The following GTF2F1 variants were observed in gnomAD, a reference collection of about 807,000 sequenced individuals.
GTF2F1 encodes general transcription factor IIF 74 kDa subunit.
Under a neutral mutation model 63.5 loss-of-function variants are expected in GTF2F1, and 39 were observed. That is an observed-to-expected ratio of 0.61 (90% CI 0.48 to 0.80). The LOEUF is 0.80. Among genes scored for constraint, GTF2F1 ranks in the 30% least tolerant of loss-of-function variants. The probability of loss-of-function intolerance (pLI) is 0.00; values close to 1 mark genes in which losing one functional copy is unlikely to be tolerated. For synonymous variants in GTF2F1, 287 were observed against 285.3 expected (o/e 1.01, Z -0.06); for missense variants, 657 against 718.3 (o/e 0.91, Z 0.97).
chr19:6,392,044 C>G, intron 2 of GTF2F1, 70 bp from the exon 3 acceptor site: 1 of 793,790 alleles, frequency 1.3e-6, no homozygotes, highest in Non-Finnish European at 2.2e-6. Flanking sequence ...TCAGTCAATG[C>G]TATTGAACCA....
At position 6,393,072 on chromosome 19, in the gene GTF2F1, C is replaced by G; in HGVS notation, c.-77G>C. ...CTCTGGCGTGCGCGTCCCTCGATCC[C>G]GGGGAAGCCGCCGCTCGGTGTCGGG... On this transcript the variant is annotated 5_prime_UTR_variant, in exon 1 of 13. Transcript: ENST00000394456. The G allele has an allele frequency of 1.3e-6, 2 of 1,586,164 alleles. No individual in the cohort carries two copies. The highest frequency in any genetic ancestry group is 1.7e-6 in the Non-Finnish European group (2 of 1,158,050).
At chr19:6,392,945 G>A in intron 1 of GTF2F1, 39 bp downstream of exon 1, 5 of 1,614,070 alleles carry the variant, frequency 3.1e-6, no homozygotes, top group Non-Finnish European at 4.2e-6. Flanking sequence ...CGCCGAGGTC[G>A]CCGTCGGAAC....
chr19:6,386,199 A>G (rs1235446456), intron 5 of GTF2F1, among the ~76,000 whole-genome samples: 1 of 152,090 alleles, frequency 6.6e-6, no homozygotes. Context: ...CACCTGGCCA[A>G]CATGGTGAAA....
chr19:6,384,181 T>C (rs1356687454), intron 5 of GTF2F1, among the ~76,000 whole-genome samples: 6 of 151,952 alleles, frequency 3.9e-5, no homozygotes, highest in South Asian at 4.2e-4. Flanking sequence ...AATGTAACGT[T>C]GTCTCATTGC....
intron 5 of GTF2F1, among the ~76,000 whole-genome samples, chr19:6,386,062 C>T (rs113845137): frequency 4.8e-5 from 7 of 146,948 alleles, no homozygotes; most frequent in African/African-American, 1.8e-4. Context: ...GGTGACAGAG[C>T]GAGATTCGGT....
At position 6,385,852 on chromosome 19, in the gene GTF2F1, G is replaced by C. The variant is rs149966441; in HGVS notation, c.497+1537C>G. ...TGTAATCCCAGCACTTTGGGAGGCC[G>C]AGGCAGGCAGATCACGAGGTCAGGA... is the stretch of plus-strand genomic sequence containing the variant. On this transcript the variant is annotated intron_variant, in intron 5 of 12. Coordinates refer to ENST00000394456, the MANE Select transcript of GTF2F1 (RefSeq NM_002096.3). Among the ~76,000 whole-genome samples, 236 of 152,256 alleles carry C rather than the reference G, an allele frequency of 1.6e-3. 7 individuals are homozygous for C. In the East Asian group the frequency reaches 0.036, roughly 24 times the overall value.
rs746408064 is a variant in GTF2F1 at position 6,387,551 on chromosome 19, C to A, written c.335G>T (p.Gly112Val). The change falls in exon 5 of 13, where the codon GGC (glycine) becomes GTC (valine). Residue 112 changes from glycine (G) to valine (V), a missense_variant. Gly to Val is a moderately radical substitution (Grantham distance 109). Coordinates refer to ENST00000394456, the MANE Select transcript of GTF2F1 (RefSeq NM_002096.3). ...CTCTGTTACGCCTCCCTTCTTGATGCCCTTGAACCTGCAGGGAGCCACGGT... is the reference window on the plus strand; with the variant it reads ...CTCTGTTACGCCTCCCTTCTTGATGACCTTGAACCTGCAGGGAGCCACGGT... ...VNGKSGRKFKGIKKGGVTENT... is the reference protein window; with the variant it reads ...VNGKSGRKFKVIKKGGVTENT... 7 of 1,613,870 alleles carry A rather than the reference C, an allele frequency of 4.3e-6. No individual in the cohort carries two copies. Among genetic ancestry groups the A allele is most frequent in the Non-Finnish European group, 2.5e-6 (3 of 1,179,890 alleles).
At chr19:6,385,540 TG>T (rs2091970945) in intron 5 of GTF2F1, among the ~76,000 whole-genome samples, 1 of 151,858 alleles carries the variant, frequency 6.6e-6, no homozygotes, top group African/African-American at 2.4e-5. Flanking sequence ...AAAGCGAACC[TG>T]CCCCCCCAGC....
At chr19:6,388,848 T>C (rs971090835) in intron 4 of GTF2F1, among the ~76,000 whole-genome samples, 3 of 152,106 alleles carry the variant, frequency 2.0e-5, no homozygotes, top group Non-Finnish European at 2.9e-5. Flanking sequence ...CTCAGGATGC[T>C]GAGGTGGGAA....
rs368799788 is a variant in GTF2F1, at chr19:6,381,618, G to A, written c.837-3C>T. 2.0e-5 allele frequency: 33 copies of A among 1,613,964 alleles called. 1 individual carries two copies. In the South Asian group the frequency reaches 3.2e-4, roughly 16 times the overall value. ...TCTCAGGCTCTTCTTGGGAGCTACT[G>A]TAAGACGGGGATGGCAAAGGATGAG... On this transcript the variant is annotated splice_polypyrimidine_tract_variant and splice_region_variant and intron_variant, in intron 7 of 12. Coordinates refer to ENST00000394456, the MANE Select transcript of GTF2F1 (RefSeq NM_002096.3). This position sits in a 1 kb window ranked among gnomAD's most constrained non-coding sequence, Gnocchi z 4.1.
chr19:6,393,151 G>C lies in GTF2F1; in HGVS notation c.-156C>G, dbSNP rs1426779336. 4.3e-6 allele frequency: 4 copies of C among 939,588 alleles called. No individual in the cohort carries two copies. The highest frequency in any genetic ancestry group is 6.5e-6 in the Non-Finnish European group (4 of 615,330). The allele number at this position is 939,588 out of a possible 1,614,324, so 58.2% of individuals were successfully genotyped here. A position where few individuals can be genotyped will look rare whatever the true frequency, so the allele number is the denominator to read the frequency against. ...CTAGGCGCCTCTGGCGCTGGGAAAA[G>C]GTAACCGGAAGAGGCGCTCAAGCTA... On this transcript the variant is annotated 5_prime_UTR_variant, in exon 1 of 13. Coordinates refer to ENST00000394456, the MANE Select transcript of GTF2F1 (RefSeq NM_002096.3).
rs758103933 is a variant in GTF2F1, at chr19:6,381,101, C to T, written c.1092+21G>A. The stretch of plus-strand genomic sequence containing the variant: ...TGCAAACAGACGCCCAGGCCTCCCC[C>T]GCCACCGGGCTGGGCCTTACCGCCA... On this transcript the variant is annotated intron_variant, in intron 10 of 12. Coordinates refer to ENST00000394456, the MANE Select transcript of GTF2F1 (RefSeq NM_002096.3). This position sits in a 1 kb window ranked among gnomAD's most constrained non-coding sequence, Gnocchi z 4.1. 1.6e-4 allele frequency: 262 copies of T among 1,608,328 alleles called. No individual in the cohort carries two copies. The highest frequency in any genetic ancestry group is 1.9e-4 in the Non-Finnish European group (225 of 1,177,628).
At chr19:6,392,496 G>C in intron 2 of GTF2F1, 1 of 529,616 alleles carries the variant, frequency 1.9e-6, no homozygotes, top group Non-Finnish European at 3.6e-6. Context: ...TTGAGGGGAG[G>C]CACTCATGGC....
intron 4 of GTF2F1, among the ~76,000 whole-genome samples, chr19:6,388,045 T>C (rs1187627943): frequency 6.7e-6 from 1 of 150,050 alleles, no homozygotes; most frequent in Non-Finnish European, 1.5e-5. Flanking sequence ...TTCTCATGCC[T>C]CAGCCTCCCG....
intron 3 of GTF2F1, 23 bp downstream of exon 3, chr19:6,391,879 A>AC: frequency 6.9e-7 from 1 of 1,440,660 alleles, no homozygotes; most frequent in Non-Finnish European, 9.6e-7. Flanking sequence ...CCAGCCCCTG[A>AC]CCCCCAGGAC....
At position 6,381,066 on chromosome 19, in the gene GTF2F1, T is replaced by TG; in HGVS notation, c.1093-25dup. 6.2e-7 allele frequency: 1 copy of TG among 1,609,640 alleles called. No individual in the cohort carries two copies. Among genetic ancestry groups the TG allele is most frequent in the South Asian group, 1.1e-5 (1 of 90,310 alleles). Reference sequence around the variant, plus strand: ...TTCTGCAGAGGTCAGGGTTGGGAGGTGGGTGAGTCTGCAAACAGACGCCCA... The same window carrying TG: ...TTCTGCAGAGGTCAGGGTTGGGAGGTGGGGTGAGTCTGCAAACAGACGCCCA... On this transcript the variant is annotated intron_variant, in intron 10 of 12. Coordinates refer to ENST00000394456, the MANE Select transcript of GTF2F1 (RefSeq NM_002096.3). This position sits in a 1 kb window ranked among gnomAD's most constrained non-coding sequence, Gnocchi z 4.1.
Position 6,381,375 on chromosome 19 carries a change from C to G in GTF2F1, c.1002G>C (p.Glu334Asp), listed in dbSNP as rs1276616805. 3.7e-6 allele frequency: 6 copies of G among 1,606,526 alleles called. 1 individual carries two copies. Among genetic ancestry groups the G allele is most frequent in the Non-Finnish European group, 8.5e-7 (1 of 1,176,818 alleles). The change falls in exon 9 of 13, where the codon GAG becomes GAC. Residue 334 changes from glutamate to aspartate, a missense_variant. This residue lies in a region of GTF2F1 where 602 missense variants were observed against 625.6 expected (regional missense o/e 0.96). Coordinates refer to ENST00000394456, the MANE Select transcript of GTF2F1 (RefSeq NM_002096.3). The surrounding 1 kb of genome is among the most constrained non-coding windows in gnomAD (Gnocchi z 4.1). The stretch of plus-strand genomic sequence containing the variant: ...GCGCCGCACCTTTCCTGCGCTTCTT[C>G]TCCTGCGGGGTGGGTGCCTTCTTCT... ...EEEKKAPTPQ[E>D]KKRRKDSSEE...
intron 6 of GTF2F1, among the ~76,000 whole-genome samples, chr19:6,382,328 T>A (rs1025421125): frequency 2.6e-5 from 4 of 151,874 alleles, no homozygotes; most frequent in Admixed American, 2.6e-4. Context: ...GACCCCAGTC[T>A]CTACAAAAAA....
intron 4 of GTF2F1, among the ~76,000 whole-genome samples, chr19:6,388,754 C>T (rs1234187968): frequency 6.6e-6 from 1 of 152,126 alleles, no homozygotes; most frequent in African/African-American, 2.4e-5. Flanking sequence ...TCAAGACCAG[C>T]TTGAGCAACG....
Sources: allele counts gnomAD v4.1 joint callset (sites outside exome capture counted in the v4.1 genomes callset), GRCh38; gene constraint gnomAD v4.1.1; regional missense constraint gnomAD v4.1.1; non-coding constraint Gnocchi (gnomAD v3.1); transcripts MANE v1.5; gene names NCBI Gene and HGNC (gene_info 2026-07-23, HGNC 2026-07-21).